BCHE: variants seen among roughly 807,000 people sequenced by gnomAD.
BCHE encodes the protein cholinesterase.
A neutral mutation model predicts 51.3 loss-of-function variants in BCHE; 48 were observed. The ratio of observed to expected loss-of-function variants is 0.94; its 90% CI spans 0.74 to 1.19. The LOEUF (loss-of-function observed/expected upper bound fraction) is 1.19, where lower values mean the gene tolerates loss of function less well. Among genes scored for constraint, BCHE ranks in the 50% most tolerant of loss-of-function variants. BCHE has a pLI of 0.00. For synonymous variants in BCHE, 251 were observed against 238.0 expected (o/e 1.05, Z -0.50); for missense variants, 847 against 708.2 (o/e 1.20, Z -2.23).
chr3:165,829,436 A>C, intron 2 of BCHE, 81 bp downstream of exon 2: 2 of 1,200,360 alleles, frequency 1.7e-6, no homozygotes, highest in Non-Finnish European at 2.5e-6. Flanking sequence ...CTTTATACTA[A>C]AGTCTACCCC....
intron 2 of BCHE, among the ~76,000 whole-genome samples, chr3:165,823,865 C>T (rs1216183666): frequency 2.0e-5 from 3 of 151,886 alleles, no homozygotes; most frequent in Non-Finnish European, 4.4e-5. Context: ...TCAAGTGATC[C>T]TCCTGCCTCG....
intron 3 of BCHE, among the ~76,000 whole-genome samples, chr3:165,780,087 G>A (rs1712631228): frequency 6.6e-6 from 1 of 152,084 alleles, no homozygotes; most frequent in Admixed American, 6.6e-5. Flanking sequence ...ACACAAAACA[G>A]AAATCTCAGA....
intron 2 of BCHE, among the ~76,000 whole-genome samples, chr3:165,815,514 A>T (rs1412589388): frequency 6.6e-6 from 1 of 152,110 alleles, no homozygotes; most frequent in Non-Finnish European, 1.5e-5. Context: ...ACAACCATGA[A>T]AGTGAAGTCC....
intron 2 of BCHE, among the ~76,000 whole-genome samples, chr3:165,819,689 T>C (rs1204314615): frequency 2.0e-5 from 3 of 152,038 alleles, no homozygotes; most frequent in African/African-American, 7.2e-5. Flanking sequence ...TCTGTGTTTG[T>C]AGTTTTAAAA....
chr3:165,817,633 T>C (rs1305967823), intron 2 of BCHE, among the ~76,000 whole-genome samples: 1 of 152,076 alleles, frequency 6.6e-6, no homozygotes, highest in Non-Finnish European at 1.5e-5. Flanking sequence ...ATTTACTCTG[T>C]CCCTCTATTT....
chr3:165,830,794 C>A lies in BCHE; in HGVS notation c.240G>T (p.Trp80Cys). The A allele has an allele frequency of 6.2e-7, 1 of 1,613,736 alleles. No homozygotes were observed. Among genetic ancestry groups the A allele is most frequent in the Non-Finnish European group, 8.5e-7 (1 of 1,179,816 alleles). Residue 80 changes from tryptophan (W) to cysteine (C), a missense_variant, in exon 2 of 4, where the codon TGG (tryptophan) becomes TGT (cysteine). Trp to Cys is a radical substitution (Grantham distance 215, BLOSUM62 -2). Transcript: ENST00000264381. ...ATTTTGTGGCATTCCAAATATCAGA[C>A]CACTTGGTCAGAGACTGTGGCTTTT... is the stretch of plus-strand genomic sequence containing the variant. ...RFKKPQSLTK[W>C]SDIWNATKYA...
intron 3 of BCHE, among the ~76,000 whole-genome samples, chr3:165,781,752 T>C (rs1312464283): frequency 6.6e-6 from 1 of 151,998 alleles, no homozygotes; most frequent in Admixed American, 6.6e-5. Context: ...GCACTTAAAG[T>C]AAAATAAAAA....
In BCHE at chr3:165,778,626, A is replaced by G. The variant is rs573926531; in HGVS notation, c.1685-5120T>C. On this transcript the variant is annotated intron_variant, in intron 3 of 3. Coordinates refer to ENST00000264381, the MANE Select transcript of BCHE (RefSeq NM_000055.4). The stretch of plus-strand genomic sequence containing the variant: ...TATCTTCTCTTCTTAAAAGCTTTCC[A>G]TGGTCCTGGGCCCTGACTCCACTTC... 1.9e-5 allele frequency: 8 copies of G among 432,430 alleles called. 1 individual carries two copies. Among genetic ancestry groups the G allele is most frequent in the East Asian group, 1.4e-4 (2 of 14,152 alleles). The allele number at this position is 432,430 out of a possible 1,614,324, so 26.8% of individuals were successfully genotyped here. A position where few individuals can be genotyped will look rare whatever the true frequency, so the allele number is the denominator to read the frequency against.
intron 2 of BCHE, among the ~76,000 whole-genome samples, chr3:165,799,339 C>A (rs1405181486): frequency 6.6e-6 from 1 of 152,038 alleles, no homozygotes; most frequent in Non-Finnish European, 1.5e-5. Flanking sequence ...TCCTGCCTAG[C>A]AGTGAATTTA....
intron 2 of BCHE, among the ~76,000 whole-genome samples, chr3:165,810,140 G>T (rs1459671983): frequency 6.6e-6 from 1 of 152,136 alleles, no homozygotes; most frequent in Non-Finnish European, 1.5e-5. Context: ...AGACAAAGTA[G>T]TATGTTTCAG....
At position 165,830,826 on chromosome 3, in the gene BCHE, G is replaced by A. The variant is rs780411054; in HGVS notation, c.208C>T (p.Arg70Ter). ...GTCAGAGACTGTGGCTTTTTGAATC[G>A]AAGTCTACCAAGAGGTGGCTGTGCA... is the stretch of plus-strand genomic sequence containing the variant. ...PYAQPPLGRLRFKKPQSLTKW... is the reference protein window; with the variant it reads ...PYAQPPLGRL Residue 70 changes from arginine to a stop codon, truncating the protein, a stop_gained, in exon 2 of 4, where the codon CGA becomes TGA. Coordinates refer to ENST00000264381, the MANE Select transcript of BCHE (RefSeq NM_000055.4). LOFTEE classifies it high-confidence loss of function. 24 of 1,613,608 alleles carry A rather than the reference G, an allele frequency of 1.5e-5. No homozygotes were observed. The highest frequency in any genetic ancestry group is 1.8e-5 in the Non-Finnish European group (21 of 1,179,892).
chr3:165,816,240 C>A (rs916870398), intron 2 of BCHE, among the ~76,000 whole-genome samples: 1 of 151,696 alleles, frequency 6.6e-6, no homozygotes, highest in Non-Finnish European at 1.5e-5. Flanking sequence ...GACCTAAGTT[C>A]TAACCAAGTG....
chr3:165,772,905 G>A lies in BCHE; in HGVS notation c.*477C>T, dbSNP rs1712307161. The A allele has an allele frequency of 6.6e-6, 1 of 152,110 alleles. No individual in the cohort carries two copies. Among genetic ancestry groups the A allele is most frequent in the African/African-American group, 2.4e-5 (1 of 41,364 alleles). The allele number at this position is 152,110 out of a possible 1,614,324, so 9.4% of individuals were successfully genotyped here. A position where few individuals can be genotyped will look rare whatever the true frequency, so the allele number is the denominator to read the frequency against. On this transcript the variant is annotated 3_prime_UTR_variant, in exon 4 of 4. Coordinates refer to ENST00000264381, the MANE Select transcript of BCHE (RefSeq NM_000055.4). ...TTATATAAAAAACAAAGAGACCAAT[G>A]ATTTTCTGTGCTTATTTTAATATCT...
intron 2 of BCHE, among the ~76,000 whole-genome samples, chr3:165,790,587 G>A (rs1024113163): frequency 6.6e-6 from 1 of 152,294 alleles, no homozygotes; most frequent in Non-Finnish European, 1.5e-5. Flanking sequence ...TGAAGTGAGG[G>A]TAGCCATAAG....
intron 2 of BCHE, among the ~76,000 whole-genome samples, chr3:165,825,764 C>T (rs1714697569): frequency 6.6e-6 from 1 of 151,974 alleles, no homozygotes; most frequent in Non-Finnish European, 1.5e-5. Context: ...CATGTGTTCT[C>T]ATTGTTCAAT....
At chr3:165,834,575 C>A (rs1440145189) in intron 1 of BCHE, among the ~76,000 whole-genome samples, 12 of 151,860 alleles carry the variant, frequency 7.9e-5, no homozygotes, top group Non-Finnish European at 1.5e-4. Flanking sequence ...ATAAGCATCA[C>A]TTTGCCCTTT....
At chr3:165,805,136 T>A (rs1233926491) in intron 2 of BCHE, among the ~76,000 whole-genome samples, 1 of 152,122 alleles carries the variant, frequency 6.6e-6, no homozygotes, top group Non-Finnish European at 1.5e-5. Context: ...GAATCTACTT[T>A]AAGAGAGTTT....
intron 2 of BCHE, among the ~76,000 whole-genome samples, chr3:165,802,361 T>C (rs1171511667): frequency 6.6e-6 from 1 of 152,180 alleles, no homozygotes; most frequent in Non-Finnish European, 1.5e-5. Flanking sequence ...AAAAAATCAC[T>C]GAAGAGTTAT....
At chr3:165,822,334 A>T (rs1019095734) in intron 2 of BCHE, among the ~76,000 whole-genome samples, 1 of 152,066 alleles carries the variant, frequency 6.6e-6, no homozygotes, top group Non-Finnish European at 1.5e-5. Context: ...AGGAAATTAA[A>T]CAATTGTACT....
Sources: allele counts gnomAD v4.1 joint callset (sites outside exome capture counted in the v4.1 genomes callset), GRCh38; gene constraint gnomAD v4.1.1; transcripts MANE v1.5; gene names NCBI Gene and HGNC (gene_info 2026-07-23, HGNC 2026-07-21).